PRKG1: variants seen among roughly 807,000 people sequenced by gnomAD.
PRKG1 encodes cGMP-dependent protein kinase 1.
A neutral mutation model predicts 88.1 loss-of-function variants in PRKG1; 35 were observed. The observed-to-expected ratio is 0.40, with a 90% CI of 0.30 to 0.53. PRKG1 has a LOEUF of 0.53. Among genes scored for constraint, PRKG1 ranks in the 20% least tolerant of loss-of-function variants. The pLI is 0.59. For synonymous variants in PRKG1, 303 were observed against 292.5 expected (o/e 1.04, Z -0.37); for missense variants, 540 against 839.8 (o/e 0.64, Z 4.41).
At chr10:51,516,052 G>A (rs1461905486) in intron 3 of PRKG1, among the ~76,000 whole-genome samples, 1 of 152,150 alleles carries the variant, frequency 6.6e-6, no homozygotes, top group Non-Finnish European at 1.5e-5. Flanking sequence ...AGTCTTTTTG[G>A]GTACCTGCAC....
At chr10:51,081,392 C>T (rs1844106815) in intron 1 of PRKG1, among the ~76,000 whole-genome samples, 1 of 152,180 alleles carries the variant, frequency 6.6e-6, no homozygotes, top group South Asian at 2.1e-4. Flanking sequence ...TAAGATAGTA[C>T]TTTATGGATG....
chr10:51,534,666 C>CAAAAAAA (rs10626534), intron 3 of PRKG1, among the ~76,000 whole-genome samples: 6 of 120,712 alleles, frequency 5.0e-5, no homozygotes, highest in African/African-American at 9.8e-5. Flanking sequence ...GACTCTGTCT[C>CAAAAAAA]AAAAAAAAAA....
chr10:51,005,161 C>T (rs1274983803), intron 1 of PRKG1, among the ~76,000 whole-genome samples: 2 of 151,888 alleles, frequency 1.3e-5, no homozygotes, highest in Non-Finnish European at 1.5e-5. Context: ...GGTATTCAAT[C>T]GTGTGATTGG....
At chr10:52,127,662 G>A (rs553409975) in intron 7 of PRKG1, among the ~76,000 whole-genome samples, 2 of 152,272 alleles carry the variant, frequency 1.3e-5, no homozygotes, top group African/African-American at 4.8e-5. Flanking sequence ...CCATGTCAGA[G>A]GGTCCTAAAG....
chr10:51,743,052 AAGAGAGAG>A (rs373318408), intron 3 of PRKG1, among the ~76,000 whole-genome samples: 135 of 151,704 alleles, frequency 8.9e-4, no homozygotes, highest in African/African-American at 3.1e-3. Context: ...TAAAATTAAA[AAGAGAGAG>A]AGAGAGAGAA....
chr10:51,730,553 C>T (rs1236957577), intron 3 of PRKG1, among the ~76,000 whole-genome samples: 3 of 152,102 alleles, frequency 2.0e-5, no homozygotes, highest in Admixed American at 1.3e-4. Context: ...TTTGTAGAAA[C>T]TGTGTATGTA....
At position 51,323,398 on chromosome 10, in the gene PRKG1, C is replaced by T. The variant is rs563276594; in HGVS notation, c.479-144325C>T. 2.0e-3 allele frequency among the ~76,000 whole-genome samples: 299 copies of T among 152,174 alleles called. 1 individual carries two copies. The highest frequency in any genetic ancestry group is 7.0e-3 in the African/African-American group (292 of 41,500). ...TCAATATTGGATAAAAGTGTAAGCT[C>T]CAGAATTAGATGACCTATATTCAGA... is the stretch of plus-strand genomic sequence containing the variant. On this transcript the variant is annotated intron_variant, in intron 2 of 17. Coordinates refer to ENST00000373980, the MANE Select transcript of PRKG1 (RefSeq NM_006258.4).
intron 3 of PRKG1, among the ~76,000 whole-genome samples, chr10:51,674,553 A>T (rs769405009): frequency 6.6e-6 from 1 of 152,176 alleles, no homozygotes; most frequent in Non-Finnish European, 1.5e-5. Flanking sequence ...GGCAGATTCT[A>T]TTGCTTTTAA....
chr10:51,935,897 T>C (rs1204373977), intron 5 of PRKG1, among the ~76,000 whole-genome samples: 3 of 152,124 alleles, frequency 2.0e-5, no homozygotes, highest in African/African-American at 7.2e-5. Flanking sequence ...GCAAATGATC[T>C]AAAATGTATG....
intron 1 of PRKG1, among the ~76,000 whole-genome samples, chr10:51,039,369 T>C (rs1435143773): frequency 6.6e-6 from 1 of 152,206 alleles, no homozygotes; most frequent in Non-Finnish European, 1.5e-5. Flanking sequence ...CTGTTTGCCA[T>C]TTGTATGTCT....
intron 4 of PRKG1, among the ~76,000 whole-genome samples, chr10:51,853,811 C>T (rs1402438800): frequency 6.6e-6 from 1 of 152,154 alleles, no homozygotes; most frequent in Non-Finnish European, 1.5e-5. Context: ...GCAGCCTCTA[C>T]TGTACTAAAC....
At chr10:52,176,819 C>T (rs937418281) in intron 9 of PRKG1, among the ~76,000 whole-genome samples, 2 of 152,016 alleles carry the variant, frequency 1.3e-5, no homozygotes, top group Admixed American at 6.6e-5. Flanking sequence ...GCTAGTTTAT[C>T]GTATGTGTAT....
chr10:52,087,070 T>G (rs759840391), intron 7 of PRKG1, among the ~76,000 whole-genome samples: 74 of 152,258 alleles, frequency 4.9e-4, no homozygotes, highest in Non-Finnish European at 7.9e-4. Flanking sequence ...TTATAGGAAC[T>G]ACAATTCAAG....
intron 2 of PRKG1, among the ~76,000 whole-genome samples, chr10:51,280,454 C>A (rs899340984): frequency 3.3e-5 from 5 of 152,224 alleles, no homozygotes; most frequent in African/African-American, 9.6e-5. Context: ...GGATAATATC[C>A]TGCAGACTGT....
At chr10:52,274,891 G>A (rs1333201157) in intron 12 of PRKG1, among the ~76,000 whole-genome samples, 1 of 152,014 alleles carries the variant, frequency 6.6e-6, no homozygotes, top group African/African-American at 2.4e-5. Flanking sequence ...GGAGGGAGGT[G>A]GTATCACCTT....
intron 5 of PRKG1, among the ~76,000 whole-genome samples, chr10:51,943,991 C>T (rs937320179): frequency 3.9e-5 from 6 of 152,028 alleles, no homozygotes; most frequent in South Asian, 2.1e-4. Context: ...GGAGGATTCC[C>T]TCTTTTTCTG....
intron 3 of PRKG1, among the ~76,000 whole-genome samples, chr10:51,632,993 T>C (rs1839566029): frequency 6.6e-6 from 1 of 152,216 alleles, no homozygotes; most frequent in South Asian, 2.1e-4. Flanking sequence ...GTAATGAATC[T>C]TGTTTATAAA....
At chr10:51,606,602 G>A (rs555700881) in intron 3 of PRKG1, among the ~76,000 whole-genome samples, 24 of 152,206 alleles carry the variant, frequency 1.6e-4, no homozygotes, top group African/African-American at 5.5e-4. Flanking sequence ...CTGGATAAAA[G>A]AGAATATTTA....
At chr10:52,112,544 A>C (rs1286021826) in intron 7 of PRKG1, among the ~76,000 whole-genome samples, 2 of 152,174 alleles carry the variant, frequency 1.3e-5, no homozygotes, top group African/African-American at 4.8e-5. Context: ...CATTGAAAAC[A>C]CATAGGATTC....
Sources: gnomAD v4.1 joint callset for allele counts (sites outside exome capture counted in the v4.1 genomes callset) on GRCh38, gnomAD v4.1.1 for gene constraint, MANE v1.5 for transcripts, NCBI Gene and HGNC (gene_info 2026-07-23, HGNC 2026-07-21) for gene names.